Variants in ACTR10 observed in about 807,000 individuals in gnomAD.
ACTR10 encodes actin-related protein 10.
A neutral mutation model predicts 56.2 loss-of-function variants in ACTR10; 43 were observed. The ratio of observed to expected loss-of-function variants is 0.77; its 90% CI spans 0.60 to 0.99. The LOEUF is 0.99. Among genes scored for constraint, ACTR10 ranks in the 50% least tolerant of loss-of-function variants. The pLI is 0.00. For missense variants in ACTR10, 466 were observed against 507.8 expected, an observed-to-expected ratio of 0.92 and a Z score of 0.79; for synonymous variants, 170 against 176.3, an observed-to-expected ratio of 0.96 and a Z score of 0.28.
chr14:58,203,447 C>T (rs898912947), intron 2 of ACTR10, among the ~76,000 whole-genome samples: 1 of 151,890 alleles, frequency 6.6e-6, no homozygotes, highest in African/African-American at 2.4e-5. Flanking sequence ...GTACAAGTAC[C>T]ACCACAATCC....
intron 10 of ACTR10, among the ~76,000 whole-genome samples, chr14:58,227,302 G>A (rs766711556): frequency 1.3e-5 from 2 of 152,066 alleles, no homozygotes; most frequent in South Asian, 2.1e-4. Flanking sequence ...AGGCCAAGGC[G>A]GGCGGATCAC....
At chr14:58,226,475 T>G (rs570956925) in intron 10 of ACTR10, among the ~76,000 whole-genome samples, 3 of 151,982 alleles carry the variant, frequency 2.0e-5, no homozygotes, top group East Asian at 3.9e-4. Flanking sequence ...GAATTGTTGG[T>G]TCCAAAATAA....
chr14:58,203,060 G>A lies in ACTR10; in HGVS notation c.150+133G>A, dbSNP rs904132291. 3.1e-4 allele frequency: 166 copies of A among 538,870 alleles called. 2 individuals carry two copies. The African/African-American group carries it at 3.2e-3, about 10-fold the overall frequency. The allele number at this position is 538,870 out of a possible 1,614,324, so 33.4% of individuals were successfully genotyped here. Reference sequence around the variant, plus strand: ...CTCACGCCTGTAATCCCAACACTTTGGGTGGCTGAGGCGGGTGGATCACCT... The same window carrying A: ...CTCACGCCTGTAATCCCAACACTTTAGGTGGCTGAGGCGGGTGGATCACCT... On this transcript the variant is annotated intron_variant, in intron 2 of 12. Coordinates refer to ENST00000254286, the MANE Select transcript of ACTR10 (RefSeq NM_018477.3).
At chr14:58,202,184 A>G (rs1347999827) in intron 1 of ACTR10, among the ~76,000 whole-genome samples, 1 of 152,110 alleles carries the variant, frequency 6.6e-6, no homozygotes, top group Non-Finnish European at 1.5e-5. Flanking sequence ...AGAATGATGG[A>G]ATTATGAGTG....
intron 12 of ACTR10, 52 bp from the exon 13 acceptor site, chr14:58,234,318 T>A (rs534764688): frequency 6.7e-7 from 1 of 1,489,250 alleles, no homozygotes; most frequent in Non-Finnish European, 9.0e-7. Flanking sequence ...GTACATAAAG[T>A]TTTCTGGTAA....
At chr14:58,232,398 CTTTTTCTTTTTT>C (rs1566632028) in intron 12 of ACTR10, 131 bp downstream of exon 12, 4 of 204,740 alleles carry the variant, frequency 2.0e-5, no homozygotes, top group Admixed American at 8.4e-5. Context: ...CTAACACTGA[CTTTTTCTTTTTT>C]TTTTTTTTTT....
chr14:58,218,121 A>G (rs1889179747), intron 7 of ACTR10, among the ~76,000 whole-genome samples: 1 of 152,222 alleles, frequency 6.6e-6, no homozygotes, highest in Non-Finnish European at 1.5e-5. Flanking sequence ...GCCTAAAGAA[A>G]ACAGTTTCTC....
chr14:58,207,771 A>G (rs1566623203), intron 2 of ACTR10, among the ~76,000 whole-genome samples, 165 bp from the exon 3 acceptor site: 1 of 152,246 alleles, frequency 6.6e-6, no homozygotes, highest in Non-Finnish European at 1.5e-5. Context: ...CCGATTCTTA[A>G]GGATTCCTAA....
intron 7 of ACTR10, among the ~76,000 whole-genome samples, chr14:58,218,431 A>T (rs971592373): frequency 6.6e-6 from 1 of 152,180 alleles, no homozygotes; most frequent in Non-Finnish European, 1.5e-5. Flanking sequence ...TATACACCAT[A>T]TATGTACTAT....
chr14:58,213,675 C>G lies in ACTR10; in HGVS notation c.495C>G (p.Pro165=). ...IPVLNCWGAL[P]LGGKALHKEL... ...TTCTAAATTGTTGGGGAGCACTACCCCTAGGAGGAAAAGCTCTTCACAAGT... is the reference window on the plus strand; with the variant it reads ...TTCTAAATTGTTGGGGAGCACTACCGCTAGGAGGAAAAGCTCTTCACAAGT... Residue 165 remains proline (P), a synonymous_variant, in exon 6 of 13, where the codon CCC becomes CCG. Coordinates refer to ENST00000254286, the MANE Select transcript of ACTR10 (RefSeq NM_018477.3). 1.2e-6 allele frequency: 2 copies of G among 1,612,406 alleles called. No individual in the cohort carries two copies. The highest frequency in any genetic ancestry group is 8.5e-7 in the Non-Finnish European group (1 of 1,178,974).
Position 58,215,228 on chromosome 14 carries a change from A to G in ACTR10, c.542A>G (p.Glu181Gly). 6.2e-7 allele frequency: 1 copy of G among 1,605,418 alleles called. No individual in the cohort carries two copies. Among genetic ancestry groups the G allele is most frequent in the Non-Finnish European group, 8.5e-7 (1 of 1,176,780 alleles). Reference protein sequence around the residue: ...LHKELETQLLEQCTVDTSVAK... With the variant: ...LHKELETQLLGQCTVDTSVAK... The stretch of plus-strand genomic sequence containing the variant: ...AGAGAGTTGGAAACTCAACTATTGG[A>G]ACAATGTACTGTTGACACAAGTGTT... The change falls in exon 7 of 13, where the codon GAA (glutamate) becomes GGA (glycine). Residue 181 changes from glutamate (E) to glycine (G), a missense_variant. Glu to Gly is a moderately conservative substitution (Grantham distance 98). Transcript: ENST00000254286.
In ACTR10 at chr14:58,200,172, T is replaced by G. The variant is rs774626407; in HGVS notation, c.-46T>G. ...CCGCCCCGCGAGCGCCGAGACTTGT[T>G]GGCCGCGGAGACTGCGACCCTCTTC... On this transcript the variant is annotated 5_prime_UTR_variant, in exon 1 of 13. Coordinates refer to ENST00000254286, the MANE Select transcript of ACTR10 (RefSeq NM_018477.3). 7.0e-7 allele frequency: 1 copy of G among 1,421,048 alleles called. No individual in the cohort carries two copies. The highest frequency in any genetic ancestry group is 1.5e-5 in the African/African-American group (1 of 68,402). The allele number at this position is 1,421,048 out of a possible 1,614,324, so 88.0% of individuals were successfully genotyped here.
At chr14:58,227,961 G>A (rs1431201339) in intron 10 of ACTR10, among the ~76,000 whole-genome samples, 3 of 152,138 alleles carry the variant, frequency 2.0e-5, no homozygotes, top group East Asian at 3.9e-4. Context: ...TCAAGGCTGG[G>A]CGCAGTGGCT....
At chr14:58,202,825 A>C (rs1181098709) in intron 1 of ACTR10, 30 bp from the exon 2 acceptor site, 15 of 1,457,552 alleles carry the variant, frequency 1.0e-5, no homozygotes, top group Non-Finnish European at 1.4e-5. Context: ...AGAATACTAT[A>C]AGTTGTTTCA....
At chr14:58,230,764 CTTT>C (rs67511419) in intron 11 of ACTR10, among the ~76,000 whole-genome samples, 10 of 143,100 alleles carry the variant, frequency 7.0e-5, no homozygotes, top group Non-Finnish European at 1.1e-4. Flanking sequence ...TGGACATGTG[CTTT>C]TTTTTTTTTT....
chr14:58,221,280 T>TAAAAAAA (rs35943337), intron 8 of ACTR10, among the ~76,000 whole-genome samples: 18 of 108,286 alleles, frequency 1.7e-4, no homozygotes, highest in African/African-American at 6.4e-4. Context: ...AGACTCTGTC[T>TAAAAAAA]AAAAAAAAAA....
chr14:58,216,126 A>G (rs1889128026), intron 7 of ACTR10, among the ~76,000 whole-genome samples: 2 of 151,940 alleles, frequency 1.3e-5, no homozygotes, highest in African/African-American at 4.8e-5. Context: ...ACTTTCCACA[A>G]ATATTTTTAT....
At chr14:58,225,272 A>G (rs982973837) in intron 10 of ACTR10, among the ~76,000 whole-genome samples, 3 of 152,314 alleles carry the variant, frequency 2.0e-5, no homozygotes, top group African/African-American at 4.8e-5. Flanking sequence ...TGATTTGACT[A>G]TTCTGTCTGA....
chr14:58,215,944 T>A (rs1889123238), intron 7 of ACTR10, among the ~76,000 whole-genome samples: 1 of 151,958 alleles, frequency 6.6e-6, no homozygotes, highest in South Asian at 2.1e-4. Flanking sequence ...TCTTCAGAAA[T>A]CTCTTTCAGA....
Sources: gnomAD v4.1 joint callset for allele counts (sites outside exome capture counted in the v4.1 genomes callset) on GRCh38, gnomAD v4.1.1 for gene constraint, MANE v1.5 for transcripts, NCBI Gene and HGNC (gene_info 2026-07-23, HGNC 2026-07-21) for gene names.